The following ROBO1 variants were observed in gnomAD, a reference collection of about 807,000 sequenced individuals.
ROBO1 encodes roundabout homolog 1.
A neutral mutation model predicts 195.9 loss-of-function variants in ROBO1; 149 were observed. The observed-to-expected ratio is 0.76, with a 90% CI of 0.67 to 0.87. The LOEUF is 0.87. Among genes scored for constraint, ROBO1 ranks in the 40% least tolerant of loss-of-function variants. The pLI is 0.00. For synonymous variants in ROBO1, 816 were observed against 733.2 expected (o/e 1.11, Z -1.82); for missense variants, 1,933 against 2,068.3 (o/e 0.93, Z 1.27).
intron 1 of ROBO1, among the ~76,000 whole-genome samples, chr3:79,638,520 T>C (rs1945562706): frequency 6.6e-6 from 1 of 152,238 alleles, no homozygotes; most frequent in Middle Eastern, 3.4e-3. Context: ...CCTCAGGTGA[T>C]CCGCCAGCCT....
intron 4 of ROBO1, among the ~76,000 whole-genome samples, chr3:78,887,635 T>C (rs748447551): frequency 6.6e-6 from 1 of 151,856 alleles, no homozygotes; most frequent in Non-Finnish European, 1.5e-5. Flanking sequence ...GAGTGAAGAG[T>C]TGCAAAAGGG....
intron 4 of ROBO1, among the ~76,000 whole-genome samples, chr3:78,892,304 C>A (rs138593724): frequency 7.9e-5 from 12 of 152,206 alleles, no homozygotes; most frequent in Admixed American, 7.8e-4. Context: ...TCTAATTTTC[C>A]CACCCCATCT....
At chr3:79,438,006 T>C (rs74712820) in intron 2 of ROBO1, among the ~76,000 whole-genome samples, 7,275 of 151,978 alleles carry the variant, frequency 0.048, 477 homozygotes, top group African/African-American at 0.14. Flanking sequence ...TTAATCTTCT[T>C]GGTTTTTTTC....
At chr3:79,401,371 TC>T (rs1413348520) in intron 2 of ROBO1, among the ~76,000 whole-genome samples, 1 of 151,924 alleles carries the variant, frequency 6.6e-6, no homozygotes, top group Non-Finnish European at 1.5e-5. Flanking sequence ...TATTCAGTCC[TC>T]TACATTTTGC....
chr3:79,042,910 G>T (rs892213160), intron 3 of ROBO1, among the ~76,000 whole-genome samples: 6 of 151,990 alleles, frequency 3.9e-5, no homozygotes, highest in Non-Finnish European at 7.4e-5. Context: ...TCCCCTCACT[G>T]GTTTTTCCCA....
At chr3:79,187,986 T>C (rs1439129223) in intron 2 of ROBO1, among the ~76,000 whole-genome samples, 2 of 151,968 alleles carry the variant, frequency 1.3e-5, no homozygotes, top group Non-Finnish European at 2.9e-5. Flanking sequence ...TCTATTCAAA[T>C]ATCAACATTC....
At chr3:79,531,394 G>A (rs1941656183) in intron 2 of ROBO1, among the ~76,000 whole-genome samples, 2 of 152,048 alleles carry the variant, frequency 1.3e-5, no homozygotes. Context: ...AGGCCGAGGT[G>A]GGTGGATCAC....
intron 1 of ROBO1, among the ~76,000 whole-genome samples, chr3:79,603,473 C>T (rs547792411): frequency 1.3e-5 from 2 of 152,106 alleles, no homozygotes; most frequent in African/African-American, 4.8e-5. Flanking sequence ...GTGGTATCCT[C>T]TATCCTGAGA....
chr3:78,802,491 T>C (rs2084399125), intron 4 of ROBO1, among the ~76,000 whole-genome samples: 1 of 152,134 alleles, frequency 6.6e-6, no homozygotes, highest in African/African-American at 2.4e-5. Flanking sequence ...GAAGCAAGAA[T>C]ACTCCAAATA....
intron 2 of ROBO1, among the ~76,000 whole-genome samples, chr3:79,326,232 C>T (rs541922796): frequency 1.3e-5 from 2 of 152,250 alleles, no homozygotes; most frequent in South Asian, 4.1e-4. Context: ...ACTCGCCCTG[C>T]CTCCATTTGC....
At chr3:79,125,891 T>C (rs2080206876) in intron 2 of ROBO1, among the ~76,000 whole-genome samples, 1 of 152,156 alleles carries the variant, frequency 6.6e-6, no homozygotes, top group African/African-American at 2.4e-5. Flanking sequence ...GGTGGCTGAA[T>C]GCTAGCATTG....
chr3:79,451,094 CAT>C, intron 2 of ROBO1, among the ~76,000 whole-genome samples: 1 of 151,862 alleles, frequency 6.6e-6, no homozygotes, highest in East Asian at 1.9e-4. Context: ...CTTTATATGA[CAT>C]ATTTTACCGT....
chr3:79,274,766 A>T (rs1448527023), intron 2 of ROBO1, among the ~76,000 whole-genome samples: 1 of 151,972 alleles, frequency 6.6e-6, no homozygotes, highest in Non-Finnish European at 1.5e-5. Flanking sequence ...AAGGGGTAAG[A>T]CCAAAGTAAG....
chr3:79,210,580 A>G (rs920520768), intron 2 of ROBO1, among the ~76,000 whole-genome samples: 2 of 152,178 alleles, frequency 1.3e-5, no homozygotes, highest in African/African-American at 4.8e-5. Flanking sequence ...CCATCTTTTC[A>G]TATGAGAAAA....
rs569889680 is a variant in ROBO1 at position 79,619,656 on chromosome 3, C to T, written c.-50-29695G>A. On this transcript the variant is annotated intron_variant, in intron 1 of 30. Coordinates refer to ENST00000464233, the MANE Select transcript of ROBO1 (RefSeq NM_002941.4). ...GAAGGCATAGTCAGGGTACATGTGCCTTTTTCTCTATTGGACCTCTCCCAG... is the reference window on the plus strand; with the variant it reads ...GAAGGCATAGTCAGGGTACATGTGCTTTTTTCTCTATTGGACCTCTCCCAG... Among the ~76,000 whole-genome samples, 3 of 152,192 alleles carry T rather than the reference C, an allele frequency of 2.0e-5. No individual in the cohort carries two copies. The South Asian group carries it at 6.2e-4, about 32-fold the overall frequency.
chr3:79,739,064 G>A (rs1270340586), intron 1 of ROBO1, among the ~76,000 whole-genome samples: 2 of 152,176 alleles, frequency 1.3e-5, no homozygotes, highest in Non-Finnish European at 2.9e-5. Context: ...ATCACCCAGA[G>A]TTTAGGAAAA....
At chr3:79,717,738 T>G (rs2107273890) in intron 1 of ROBO1, among the ~76,000 whole-genome samples, 1 of 152,138 alleles carries the variant, frequency 6.6e-6, no homozygotes, top group Non-Finnish European at 1.5e-5. Context: ...TTTTAAAACT[T>G]ACAGTGCTAT....
chr3:79,098,683 T>C (rs1311412702), intron 3 of ROBO1, among the ~76,000 whole-genome samples: 5 of 151,876 alleles, frequency 3.3e-5, no homozygotes, highest in South Asian at 2.1e-4. Flanking sequence ...GTGTTTCACA[T>C]AGTTGTTAAT....
chr3:78,856,129 T>C (rs1371431830), intron 4 of ROBO1, among the ~76,000 whole-genome samples: 1 of 151,998 alleles, frequency 6.6e-6, no homozygotes, highest in Non-Finnish European at 1.5e-5. Context: ...ATCTACATGA[T>C]GGTTGTAATT....
Sources: gnomAD v4.1 joint callset for allele counts (sites outside exome capture counted in the v4.1 genomes callset) on GRCh38, gnomAD v4.1.1 for gene constraint, MANE v1.5 for transcripts, NCBI Gene and HGNC (gene_info 2026-07-23, HGNC 2026-07-21) for gene names.